SORT1: variants seen among roughly 807,000 people sequenced by gnomAD.
SORT1 encodes the protein sortilin.
SORT1 carries 39 observed loss-of-function variants against 101.7 expected under a neutral mutation model. That is an observed-to-expected ratio of 0.38 (90% CI 0.30 to 0.50). The LOEUF is 0.50. Ranked by LOEUF, SORT1 falls within the 20% of genes least tolerant of loss-of-function variation. The pLI, the probability that SORT1 is intolerant of heterozygous loss-of-function variation, is 0.90. For missense variants in SORT1, 878 were observed against 1,040.4 expected, an observed-to-expected ratio of 0.84 and a Z score of 2.15; for synonymous variants, 396 against 393.7, an observed-to-expected ratio of 1.01 and a Z score of -0.07.
chr1:109,335,858 C>T lies in SORT1; in HGVS notation c.1371+382G>A, dbSNP rs528944906. On this transcript the variant is annotated intron_variant, in intron 11 of 19. Transcript: ENST00000256637. ...GGCCAGATCCTCTTCCTCTTGTTTCCGATGAGCAAGGCTGTGCACTGCTTA... is the reference window on the plus strand; with the variant it reads ...GGCCAGATCCTCTTCCTCTTGTTTCTGATGAGCAAGGCTGTGCACTGCTTA... Among the ~76,000 whole-genome samples the T allele has an allele frequency of 2.4e-4, 37 of 152,270 alleles. No homozygotes were observed. In the South Asian group the frequency reaches 7.0e-3, roughly 29 times the overall value.
rs1460749391 is a variant in SORT1 at position 109,342,119 on chromosome 1, C to A, written c.1003G>T (p.Asp335Tyr). 3 of 1,612,298 alleles carry A rather than the reference C, an allele frequency of 1.9e-6. No individual in the cohort carries two copies. Among genetic ancestry groups the A allele is most frequent in the African/African-American group, 1.3e-5 (1 of 74,890 alleles). The change falls in exon 9 of 20, where the codon GAC becomes TAC. Residue 335 changes from aspartate (D) to tyrosine (Y), a missense_variant. Physicochemically the swap from Asp to Tyr is radical, Grantham distance 160 (BLOSUM62 -3). Coordinates refer to ENST00000256637, the MANE Select transcript of SORT1 (RefSeq NM_002959.7). ...RRIHVSTDQG[D>Y]TWSMAQLPSV... Reference sequence around the variant, plus strand: ...GGGAGCTGGGCCATGCTCCATGTGTCCCCTTGATCTGTTGAAACGTGGATC... The same window carrying A: ...GGGAGCTGGGCCATGCTCCATGTGTACCCTTGATCTGTTGAAACGTGGATC...
chr1:109,331,184 A>G (rs1157271743), intron 11 of SORT1, among the ~76,000 whole-genome samples: 3 of 152,210 alleles, frequency 2.0e-5, no homozygotes, highest in Admixed American at 6.5e-5. Flanking sequence ...ATTACAGGTC[A>G]ATATCTCTGA....
intron 1 of SORT1, among the ~76,000 whole-genome samples, chr1:109,396,145 A>G (rs1653166402): frequency 1.3e-5 from 2 of 152,184 alleles, no homozygotes; most frequent in South Asian, 4.1e-4. Context: ...CTGTAGTCCC[A>G]GCTACTCAGG....
intron 13 of SORT1, among the ~76,000 whole-genome samples, chr1:109,326,204 C>T (rs1324648862): frequency 6.7e-6 from 1 of 148,560 alleles, no homozygotes; most frequent in South Asian, 2.1e-4. Context: ...TGCACCACCA[C>T]GCCCAGCTAA....
At chr1:109,338,933 A>G (rs1649024101) in intron 10 of SORT1, among the ~76,000 whole-genome samples, 1 of 151,556 alleles carries the variant, frequency 6.6e-6, no homozygotes, top group Non-Finnish European at 1.5e-5. Flanking sequence ...GCTGGAGTGC[A>G]GTGGCATGGT....
chr1:109,359,278 G>A (rs1650554432), intron 3 of SORT1, among the ~76,000 whole-genome samples: 1 of 152,064 alleles, frequency 6.6e-6, no homozygotes, highest in Non-Finnish European at 1.5e-5. Context: ...ACTGGTGAAG[G>A]TTCTGCCCTT....
At chr1:109,314,085 A>C in intron 19 of SORT1, 28 bp from the exon 20 acceptor site, 1 of 1,613,840 alleles carries the variant, frequency 6.2e-7, no homozygotes, top group Non-Finnish European at 8.5e-7. Context: ...CATATTACCG[A>C]CAGACCACAA....
chr1:109,317,729 C>T, intron 16 of SORT1, 124 bp downstream of exon 16: 1 of 701,924 alleles, frequency 1.4e-6, no homozygotes, highest in Non-Finnish European at 2.5e-6. Context: ...TATCCTGCCC[C>T]TCCCCAACCC....
chr1:109,385,158 G>C (rs1217185877), intron 1 of SORT1, among the ~76,000 whole-genome samples: 9 of 152,130 alleles, frequency 5.9e-5, no homozygotes, highest in Non-Finnish European at 8.8e-5. Context: ...CTGGGATAAA[G>C]GCCTTAATCC....
intron 5 of SORT1, among the ~76,000 whole-genome samples, chr1:109,352,004 G>A (rs1159942954): frequency 3.7e-5 from 5 of 134,296 alleles, no homozygotes; most frequent in East Asian, 2.3e-4. Context: ...GTGTGTGTGT[G>A]TACGCACGTG....
chr1:109,386,764 G>A (rs973210075), intron 1 of SORT1, among the ~76,000 whole-genome samples: 1 of 152,118 alleles, frequency 6.6e-6, no homozygotes, highest in Non-Finnish European at 1.5e-5. Context: ...ATTCTGGTCC[G>A]CTATTCTTTC....
chr1:109,382,929 C>T (rs939862136), intron 1 of SORT1, among the ~76,000 whole-genome samples: 3 of 152,140 alleles, frequency 2.0e-5, no homozygotes, highest in Admixed American at 1.3e-4. Context: ...GCACAATGTT[C>T]ATTTCTACGA....
chr1:109,360,105 G>A (rs139292662), intron 3 of SORT1, among the ~76,000 whole-genome samples: 41 of 152,274 alleles, frequency 2.7e-4, no homozygotes, highest in Middle Eastern at 6.8e-3. Flanking sequence ...TTAAAGAGTA[G>A]GTCTTAAGGC....
chr1:109,328,294 A>C (rs1648221235), intron 11 of SORT1, among the ~76,000 whole-genome samples: 1 of 151,978 alleles, frequency 6.6e-6, no homozygotes, highest in Non-Finnish European at 1.5e-5. Flanking sequence ...CCTATTTTTA[A>C]TTTTTTTTAG....
intron 15 of SORT1, among the ~76,000 whole-genome samples, chr1:109,319,965 C>T (rs570066425): frequency 3.2e-4 from 48 of 152,280 alleles, no homozygotes; most frequent in African/African-American, 9.4e-4. Flanking sequence ...GTCTCATTCC[C>T]CCAGACCACC....
In SORT1 at chr1:109,350,998, C is replaced by A. The variant is rs750963836; in HGVS notation, c.713G>T (p.Gly238Val). Reference protein sequence around the residue: ...DYLLALSTENGLWVSKNFGGK... With the variant: ...DYLLALSTENVLWVSKNFGGK... ...CCCAAAATTCTTGGACACCCACAGG[C>A]CATTCTGAAAGATTATAAATGACTT... Residue 238 changes from glycine to valine, a missense_variant, in exon 6 of 20, where the codon GGC becomes GTC. Coordinates refer to ENST00000256637, the MANE Select transcript of SORT1 (RefSeq NM_002959.7). 1 of 1,605,076 alleles carries A rather than the reference C, an allele frequency of 6.2e-7. No homozygotes were observed.
At chr1:109,323,866 C>A (rs1647807288) in intron 14 of SORT1, among the ~76,000 whole-genome samples, 1 of 152,148 alleles carries the variant, frequency 6.6e-6, no homozygotes, top group Non-Finnish European at 1.5e-5. Flanking sequence ...AACTCCCAAG[C>A]CAGCTTCTGT....
intron 11 of SORT1, among the ~76,000 whole-genome samples, chr1:109,330,009 C>CG (rs896341647): frequency 3.3e-5 from 5 of 149,736 alleles, no homozygotes; most frequent in African/African-American, 1.2e-4. Context: ...AGTATCCTTT[C>CG]TTTTTTTTTT....
At chr1:109,336,396 G>A (rs1182180390) in intron 10 of SORT1, 50 bp from the exon 11 acceptor site, 2 of 1,197,160 alleles carry the variant, frequency 1.7e-6, no homozygotes, top group Admixed American at 3.4e-5. Context: ...AAGTACCTAG[G>A]TTAGATTCAC....
Sources: allele counts gnomAD v4.1 joint callset (sites outside exome capture counted in the v4.1 genomes callset), GRCh38; gene constraint gnomAD v4.1.1; transcripts MANE v1.5; gene names NCBI Gene and HGNC (gene_info 2026-07-23, HGNC 2026-07-21).